The following PDE4D variants were observed in gnomAD, a reference collection of about 807,000 sequenced individuals.
The protein encoded by PDE4D is 3',5'-cyclic-AMP phosphodiesterase 4D.
PDE4D carries 24 observed loss-of-function variants against 87.4 expected under a neutral mutation model. The ratio of observed to expected loss-of-function variants is 0.27; its 90% CI spans 0.20 to 0.39. The LOEUF is 0.39. Ranked by LOEUF, PDE4D falls within the 10% of genes least tolerant of loss-of-function variation. PDE4D has a pLI of 1.00. For missense variants in PDE4D, 714 were observed against 1,041.0 expected, an observed-to-expected ratio of 0.69 and a Z score of 4.32; for synonymous variants, 384 against 383.2, an observed-to-expected ratio of 1.00 and a Z score of -0.02.
At position 59,180,602 on chromosome 5, in the gene PDE4D, G is replaced by A. The variant is rs1301590831; in HGVS notation, c.801C>T (p.Thr267=). The change falls in exon 5 of 15, where the codon ACC becomes ACT. Residue 267 remains threonine, a synonymous_variant. Coordinates refer to ENST00000340635, the MANE Select transcript of PDE4D (RefSeq NM_001104631.2). ...GCTCCAGATCTTTCTTACCTGTTAT[G>A]GTGGCTTTGTTGATGGATGGTTGGT... ...MCNQPSINKA[T]ITEEAYQKLA... The A allele has an allele frequency of 6.2e-7, 1 of 1,613,052 alleles. No homozygotes were observed. Among genetic ancestry groups the A allele is most frequent in the Non-Finnish European group, 8.5e-7 (1 of 1,179,380 alleles).
chr5:59,011,686 A>C (rs1359919291), intron 6 of PDE4D, among the ~76,000 whole-genome samples: 1 of 152,260 alleles, frequency 6.6e-6, no homozygotes, highest in Non-Finnish European at 1.5e-5. Context: ...TGATTGGTGT[A>C]CCTGAAAGTG....
chr5:59,906,827 C>T (rs1752876391), intron 3 of PDE4D, among the ~76,000 whole-genome samples: 1 of 152,070 alleles, frequency 6.6e-6, no homozygotes, highest in South Asian at 2.1e-4. Flanking sequence ...GTGATGGTTT[C>T]TCAAAGAGCT....
At chr5:60,435,610 G>A (rs2150123531) in intron 1 of PDE4D, among the ~76,000 whole-genome samples, 1 of 149,640 alleles carries the variant, frequency 6.7e-6, no homozygotes, top group South Asian at 2.2e-4. Context: ...ATTTCTAATT[G>A]GGGAATACCT....
In PDE4D at chr5:59,513,686, G is replaced by C. The variant is rs1411172566; in HGVS notation, c.456-297718C>G. On this transcript the variant is annotated intron_variant, in intron 1 of 14. Coordinates refer to ENST00000340635, the MANE Select transcript of PDE4D (RefSeq NM_001104631.2). Reference sequence around the variant, plus strand: ...AAAGTAAAATGTCTTACATTGAAAGGCAGTACTTCCACATGCTAAAGAGTA... The same window carrying C: ...AAAGTAAAATGTCTTACATTGAAAGCCAGTACTTCCACATGCTAAAGAGTA... 2.6e-5 allele frequency among the ~76,000 whole-genome samples: 4 copies of C among 152,260 alleles called. No individual in the cohort carries two copies. In the East Asian group the frequency reaches 5.8e-4, roughly 22 times the overall value.
chr5:59,012,702 T>A (rs575384484), intron 6 of PDE4D, among the ~76,000 whole-genome samples: 1 of 152,180 alleles, frequency 6.6e-6, no homozygotes, highest in East Asian at 1.9e-4. Flanking sequence ...ACAATAATAA[T>A]GGGAGACTTT....
intron 1 of PDE4D, among the ~76,000 whole-genome samples, chr5:60,474,694 A>T (rs184755330): frequency 2.0e-5 from 3 of 152,226 alleles, no homozygotes; most frequent in African/African-American, 7.2e-5. Flanking sequence ...ATGCGAAGTC[A>T]TTCAGACACA....
At chr5:59,411,165 T>C (rs983597491) in intron 1 of PDE4D, among the ~76,000 whole-genome samples, 3 of 152,188 alleles carry the variant, frequency 2.0e-5, no homozygotes, top group African/African-American at 7.2e-5. Context: ...GTTCCTCAAT[T>C]GCCATCTTTC....
intron 2 of PDE4D, among the ~76,000 whole-genome samples, chr5:60,008,201 T>G (rs1764667857): frequency 6.6e-6 from 1 of 151,928 alleles, no homozygotes; most frequent in Admixed American, 6.6e-5. Flanking sequence ...ACCCCAACCT[T>G]GTTTTACAGG....
intron 3 of PDE4D, among the ~76,000 whole-genome samples, chr5:59,944,560 A>C (rs1420280274): frequency 6.6e-6 from 1 of 152,066 alleles, no homozygotes; most frequent in East Asian, 1.9e-4. Context: ...TTTAGTAGAG[A>C]CAGGGTTTCA....
At chr5:60,058,507 T>C (rs1771025965) in intron 2 of PDE4D, among the ~76,000 whole-genome samples, 1 of 151,994 alleles carries the variant, frequency 6.6e-6, no homozygotes, top group South Asian at 2.1e-4. Context: ...TGTCTATCCA[T>C]ATTTATAAAG....
intron 1 of PDE4D, among the ~76,000 whole-genome samples, chr5:60,420,760 G>A (rs1396920266): frequency 6.6e-6 from 1 of 152,210 alleles, no homozygotes; most frequent in Non-Finnish European, 1.5e-5. Flanking sequence ...CCTCACCTGG[G>A]AAGTGCAAGG....
chr5:60,480,403 T>C (rs1748641804), intron 1 of PDE4D, among the ~76,000 whole-genome samples: 1 of 152,118 alleles, frequency 6.6e-6, no homozygotes, highest in African/African-American at 2.4e-5. Flanking sequence ...ATTTTACGTA[T>C]ATTAATTTAC....
intron 1 of PDE4D, among the ~76,000 whole-genome samples, chr5:60,271,558 A>G (rs1334081797): frequency 6.6e-6 from 1 of 152,228 alleles, no homozygotes; most frequent in Admixed American, 6.5e-5. Flanking sequence ...AGAGCCAGTG[A>G]GGTGTAATCC....
intron 1 of PDE4D, among the ~76,000 whole-genome samples, chr5:59,378,630 C>T (rs1003987078): frequency 1.3e-5 from 2 of 151,940 alleles, no homozygotes; most frequent in Admixed American, 6.6e-5. Context: ...TATGTTTGTA[C>T]AAAATGAAAA....
At chr5:59,602,276 A>C (rs1333139618) in intron 1 of PDE4D, among the ~76,000 whole-genome samples, 3 of 152,078 alleles carry the variant, frequency 2.0e-5, no homozygotes, top group African/African-American at 4.8e-5. Context: ...GTACTTCAAC[A>C]AGCAAAGGCC....
Position 60,109,109 on chromosome 5 carries a change from C to T in PDE4D, c.42+76448G>A, listed in dbSNP as rs200876578. On this transcript the variant is annotated intron_variant, in intron 2 of 16. Coordinates refer to the PDE4D transcript ENST00000502484. ...TGGGAGAAAATTTTCACAACCTACTCATCTGAGAAAGGGCTAATATCCAGA... is the reference window on the plus strand; with the variant it reads ...TGGGAGAAAATTTTCACAACCTACTTATCTGAGAAAGGGCTAATATCCAGA... 4.3e-3 allele frequency among the ~76,000 whole-genome samples: 651 copies of T among 151,462 alleles called. 28 individuals carry two copies. In the East Asian group the frequency reaches 0.11, roughly 24 times the overall value.
chr5:59,571,863 C>T (rs1324202123), intron 1 of PDE4D, among the ~76,000 whole-genome samples: 4 of 152,140 alleles, frequency 2.6e-5, no homozygotes, highest in Non-Finnish European at 5.9e-5. Flanking sequence ...TATATAATAG[C>T]CATGTCACAC....
intron 1 of PDE4D, among the ~76,000 whole-genome samples, chr5:60,250,104 A>G (rs921212126): frequency 6.6e-6 from 1 of 152,008 alleles, no homozygotes; most frequent in Admixed American, 6.6e-5. Flanking sequence ...CACTGGGGCT[A>G]TCATCAGACA....
rs546075223 is a variant in PDE4D at position 60,079,547 on chromosome 5, T to G, written c.43-90830A>C. Among the ~76,000 whole-genome samples, 4 of 152,336 alleles carry G rather than the reference T, an allele frequency of 2.6e-5. No individual in the cohort carries two copies. The South Asian group carries it at 8.3e-4, about 32-fold the overall frequency. On this transcript the variant is annotated intron_variant, in intron 2 of 16. Coordinates refer to the PDE4D transcript ENST00000502484. ...GTCTTTAATCCATCTTGAGTTAAAT[T>G]TTGTATAAGGTATAAAGAAGGGGTC...
Sources: gnomAD v4.1 joint callset for allele counts (sites outside exome capture counted in the v4.1 genomes callset) on GRCh38, gnomAD v4.1.1 for gene constraint, MANE v1.5 for transcripts, NCBI Gene and HGNC (gene_info 2026-07-23, HGNC 2026-07-21) for gene names.